The following PTPRD variants were observed in gnomAD, a reference collection of about 807,000 sequenced individuals.
The protein encoded by PTPRD is protein tyrosine phosphatase receptor type D, also known as receptor-type tyrosine-protein phosphatase delta.
In PTPRD, 34 loss-of-function variants were observed where a neutral mutation model predicts 214.5. The ratio of observed to expected loss-of-function variants is 0.16; its 90% CI spans 0.12 to 0.21. The LOEUF (loss-of-function observed/expected upper bound fraction) is 0.21, where lower values mean the gene tolerates loss of function less well. Among genes scored for constraint, PTPRD ranks in the 10% least tolerant of loss-of-function variants. The pLI, the probability that PTPRD is intolerant of heterozygous loss-of-function variation, is 1.00. For synonymous variants in PTPRD, 1,128 were observed against 845.7 expected, an observed-to-expected ratio of 1.33 and a Z score of -5.79; for missense variants, 2,545 against 2,398.7, an observed-to-expected ratio of 1.06 and a Z score of -1.27.
chr9:8,828,443 C>A (rs1200775508), intron 11 of PTPRD, among the ~76,000 whole-genome samples: 1 of 152,118 alleles, frequency 6.6e-6, no homozygotes, highest in East Asian at 1.9e-4. Context: ...GAAAAAGACC[C>A]CAAACAGGAA....
At chr9:10,259,348 A>T (rs2093538634) in intron 3 of PTPRD, among the ~76,000 whole-genome samples, 1 of 152,066 alleles carries the variant, frequency 6.6e-6, no homozygotes, top group Admixed American at 6.5e-5. Context: ...ATGTGTAGTG[A>T]TTGACGTTCT....
intron 9 of PTPRD, among the ~76,000 whole-genome samples, chr9:9,203,365 T>C (rs2099943009): frequency 6.6e-6 from 1 of 152,170 alleles, no homozygotes; most frequent in Admixed American, 6.5e-5. Flanking sequence ...CTTTATTCCA[T>C]TTTAAAACCT....
At chr9:10,291,160 T>G (rs919771772) in intron 3 of PTPRD, among the ~76,000 whole-genome samples, 1 of 151,898 alleles carries the variant, frequency 6.6e-6, no homozygotes, top group African/African-American at 2.4e-5. Flanking sequence ...AAATAGAGAC[T>G]CACAGACAGA....
intron 2 of PTPRD, among the ~76,000 whole-genome samples, chr9:10,377,988 G>A (rs73402299): frequency 6.6e-6 from 1 of 151,948 alleles, no homozygotes; most frequent in Admixed American, 6.6e-5. Context: ...CCTCCAAATT[G>A]TTCTCCATAG....
intron 2 of PTPRD, among the ~76,000 whole-genome samples, chr9:10,365,145 C>T (rs148151111): frequency 6.6e-6 from 1 of 152,262 alleles, no homozygotes; most frequent in East Asian, 1.9e-4. Context: ...TGTGGTACCT[C>T]CTGACTTTCT....
chr9:9,722,866 A>C (rs1004020317), intron 7 of PTPRD, among the ~76,000 whole-genome samples: 5 of 152,068 alleles, frequency 3.3e-5, no homozygotes, highest in African/African-American at 4.8e-5. Flanking sequence ...TTTCTATGCA[A>C]GTCATTTGCA....
At chr9:8,873,106 T>C (rs1411367526) in intron 11 of PTPRD, among the ~76,000 whole-genome samples, 1 of 152,216 alleles carries the variant, frequency 6.6e-6, no homozygotes, top group Admixed American at 6.5e-5. Flanking sequence ...GTCTGCCTAA[T>C]GGAGCAGGTG....
chr9:10,341,994 A>C (rs1418685736), intron 2 of PTPRD, among the ~76,000 whole-genome samples: 2 of 152,030 alleles, frequency 1.3e-5, no homozygotes, highest in Non-Finnish European at 2.9e-5. Flanking sequence ...TCAAATAATG[A>C]TACTGCTGTG....
In PTPRD at chr9:8,521,527, T is replaced by C; in HGVS notation, c.711A>G (p.Arg237=). ...ELREVRRVPP[R]FSIPPTNHEI... ...CATGATTAGTGGGTGGGATAGAGAATCTTGGTGGGACACGGCGAACTGGAA... is the reference window on the plus strand; with the variant it reads ...CATGATTAGTGGGTGGGATAGAGAACCTTGGTGGGACACGGCGAACTGGAA... Residue 237 remains arginine, a synonymous_variant, in exon 20 of 46, where the codon AGA becomes AGG. Coordinates refer to ENST00000381196, the MANE Select transcript of PTPRD (RefSeq NM_002839.4). The C allele has an allele frequency of 1.2e-6, 2 of 1,613,782 alleles. No individual in the cohort carries two copies. Among genetic ancestry groups the C allele is most frequent in the Non-Finnish European group, 1.7e-6 (2 of 1,179,810 alleles).
chr9:10,380,762 C>G (rs1161670844), intron 2 of PTPRD, among the ~76,000 whole-genome samples: 2 of 133,738 alleles, frequency 1.5e-5, no homozygotes, highest in Non-Finnish European at 1.6e-5. Flanking sequence ...CCTTGTCATC[C>G]CAGCTCAAAT....
At chr9:9,558,158 A>C (rs2082001329) in intron 8 of PTPRD, among the ~76,000 whole-genome samples, 1 of 152,020 alleles carries the variant, frequency 6.6e-6, no homozygotes, top group African/African-American at 2.4e-5. Flanking sequence ...CGCGCCCACC[A>C]TGTCAAGCCA....
intron 2 of PTPRD, among the ~76,000 whole-genome samples, chr9:10,512,782 G>A (rs968591802): frequency 6.6e-6 from 1 of 152,016 alleles, no homozygotes; most frequent in African/African-American, 2.4e-5. Context: ...GCACATTAAG[G>A]ACCAACCTAA....
At position 9,836,655 on chromosome 9, in the gene PTPRD, G is replaced by T. The variant is rs1021315388; in HGVS notation, c.-367-69804C>A. Among the ~76,000 whole-genome samples the T allele has an allele frequency of 2.6e-5, 4 of 152,114 alleles. No homozygotes were observed. In the East Asian group the frequency reaches 5.8e-4, roughly 22 times the overall value. Reference sequence around the variant, plus strand: ...TAGAGAAAAACTGTGTGCTTCTATGGAGCATTCTTTCACACAGCATAGACT... The same window carrying T: ...TAGAGAAAAACTGTGTGCTTCTATGTAGCATTCTTTCACACAGCATAGACT... On this transcript the variant is annotated intron_variant, in intron 5 of 45. Transcript: ENST00000381196.
chr9:10,291,452 A>T (rs796379069), intron 3 of PTPRD, among the ~76,000 whole-genome samples: 34 of 152,250 alleles, frequency 2.2e-4, no homozygotes, highest in African/African-American at 7.9e-4. Context: ...ATGAGCGGAG[A>T]TTATTTGGGT....
At chr9:8,811,302 T>A (rs2096797831) in intron 11 of PTPRD, among the ~76,000 whole-genome samples, 1 of 152,006 alleles carries the variant, frequency 6.6e-6, no homozygotes, top group African/African-American at 2.4e-5. Flanking sequence ...GATGCTGGCA[T>A]TTATACCACT....
intron 8 of PTPRD, among the ~76,000 whole-genome samples, chr9:9,500,341 G>A (rs549955725): frequency 6.6e-6 from 1 of 152,122 alleles, no homozygotes; most frequent in Admixed American, 6.6e-5. Context: ...TGCATTCCAG[G>A]GTAATGATTT....
chr9:8,566,204 G>C (rs567267383), intron 14 of PTPRD, among the ~76,000 whole-genome samples: 11 of 150,260 alleles, frequency 7.3e-5, no homozygotes, highest in Non-Finnish European at 1.6e-4. Flanking sequence ...TTAAGCTACT[G>C]TTAGAAACAT....
At chr9:8,482,684 G>T (rs566212674) in intron 30 of PTPRD, among the ~76,000 whole-genome samples, 1 of 152,254 alleles carries the variant, frequency 6.6e-6, no homozygotes, top group African/African-American at 2.4e-5. Context: ...GCTGTAATGG[G>T]TTGCCATTGT....
chr9:10,524,842 C>A (rs1010051308), intron 2 of PTPRD, among the ~76,000 whole-genome samples: 5 of 151,394 alleles, frequency 3.3e-5, no homozygotes, highest in Non-Finnish European at 5.9e-5. Flanking sequence ...AAAGAAGGTA[C>A]CTGTTACTGT....
Sources: allele counts gnomAD v4.1 joint callset (sites outside exome capture counted in the v4.1 genomes callset), GRCh38; gene constraint gnomAD v4.1.1; transcripts MANE v1.5; gene names NCBI Gene and HGNC (gene_info 2026-07-23, HGNC 2026-07-21).